Variants in UBE4B observed in about 807,000 individuals in gnomAD.
UBE4B encodes ubiquitin conjugation factor E4 B.
In UBE4B, 27 loss-of-function variants were observed where a neutral mutation model predicts 148.1. The observed-to-expected ratio is 0.18, with a 90% CI of 0.13 to 0.25. The LOEUF (loss-of-function observed/expected upper bound fraction) is 0.25. UBE4B is among the 10% of genes least tolerant of loss of function. The pLI is 1.00. For missense variants in UBE4B, 1,170 were observed against 1,662.4 expected (o/e 0.70, Z 5.15); for synonymous variants, 596 against 619.3 (o/e 0.96, Z 0.56).
intron 21 of UBE4B, among the ~76,000 whole-genome samples, chr1:10,156,696 T>A (rs1646078260): frequency 1.3e-5 from 2 of 152,226 alleles, no homozygotes; most frequent in Non-Finnish European, 2.9e-5. Context: ...ACACTTTAGC[T>A]CATGCTTTTA....
At chr1:10,146,872 T>A in intron 18 of UBE4B, 91 bp from the exon 19 acceptor site, 2 of 1,503,876 alleles carry the variant, frequency 1.3e-6, no homozygotes, top group East Asian at 2.3e-5. Flanking sequence ...AACCCAAATT[T>A]CCCATCTCCT....
At chr1:10,116,617 A>G (rs1570921329) in intron 7 of UBE4B, among the ~76,000 whole-genome samples, 4 of 152,286 alleles carry the variant, frequency 2.6e-5, no homozygotes, top group Middle Eastern at 6.8e-3. Flanking sequence ...GTGGCCTGTC[A>G]ATGGTTGATT....
rs567455544 is a variant in UBE4B at position 10,046,345 on chromosome 1, C to T, written c.24+12651C>T. Among the ~76,000 whole-genome samples, 238 of 152,338 alleles carry T rather than the reference C, an allele frequency of 1.6e-3. 2 individuals are homozygous for T. The highest frequency in any genetic ancestry group is 5.4e-3 in the African/African-American group (223 of 41,580). The stretch of plus-strand genomic sequence containing the variant: ...CCCGAGGGAGACAACCCCGGATCAA[C>T]TTCAGAGTCCAGAATCCCTGGGTGA... On this transcript the variant is annotated intron_variant, in intron 1 of 27. Transcript: ENST00000343090.
In UBE4B at chr1:10,135,140, T is replaced by A; in HGVS notation, c.2178T>A (p.Arg726=). 1 of 1,613,988 alleles carries A rather than the reference T, an allele frequency of 6.2e-7. No homozygotes were observed. The highest frequency in any genetic ancestry group is 8.5e-7 in the Non-Finnish European group (1 of 1,179,970). The change falls in exon 16 of 28, where the codon CGT becomes CGA. Residue 726 remains arginine (R), a synonymous_variant. Transcript: ENST00000343090. ...CRITLPNDET[R]VNATMEDVND... ...TTACTCTTCCCAATGATGAGACGCG[T>A]GTGAATGCAACGATGGAAGATGTGA... is the stretch of plus-strand genomic sequence containing the variant.
intron 1 of UBE4B, among the ~76,000 whole-genome samples, chr1:10,045,431 G>C (rs1643891834): frequency 6.6e-6 from 1 of 152,100 alleles, no homozygotes; most frequent in South Asian, 2.1e-4. Context: ...TGAGAGCCTG[G>C]TGTAACTGAT....
chr1:10,178,101 T>G (rs975250456), intron 25 of UBE4B, among the ~76,000 whole-genome samples: 1 of 152,078 alleles, frequency 6.6e-6, no homozygotes, highest in Non-Finnish European at 1.5e-5. Flanking sequence ...GCCCCTGACA[T>G]GTGCTAGTGC....
intron 2 of UBE4B, among the ~76,000 whole-genome samples, chr1:10,075,864 C>T (rs773311047): frequency 7.9e-5 from 12 of 152,002 alleles, no homozygotes; most frequent in Non-Finnish European, 1.3e-4. Context: ...CCAGCCTGGG[C>T]GACATAGCAA....
intron 17 of UBE4B, among the ~76,000 whole-genome samples, chr1:10,138,550 T>C (rs1029381736): frequency 1.3e-5 from 2 of 152,166 alleles, no homozygotes; most frequent in Admixed American, 1.3e-4. Flanking sequence ...CACTTACTAA[T>C]TCTAATAGTT....
chr1:10,123,981 G>A (rs548972179), intron 10 of UBE4B, among the ~76,000 whole-genome samples: 1 of 151,728 alleles, frequency 6.6e-6, no homozygotes, highest in Admixed American at 6.6e-5. Context: ...CACCATGTTG[G>A]CCAGACTGGT....
intron 7 of UBE4B, among the ~76,000 whole-genome samples, chr1:10,108,146 GGT>G (rs145406095): frequency 5.8e-4 from 86 of 148,284 alleles, no homozygotes; most frequent in Middle Eastern, 3.5e-3. Context: ...ATTTGGGGGA[GGT>G]GTGTGTGTGT....
At chr1:10,158,246 C>G in intron 21 of UBE4B, 110 bp from the exon 22 acceptor site, 2 of 1,371,330 alleles carry the variant, frequency 1.5e-6, no homozygotes, top group Non-Finnish European at 2.0e-6. Flanking sequence ...ATTTCACCAG[C>G]TCTCTGATTT....
intron 2 of UBE4B, among the ~76,000 whole-genome samples, chr1:10,090,857 C>T (rs1644837082): frequency 6.7e-6 from 1 of 149,334 alleles, no homozygotes; most frequent in African/African-American, 2.5e-5. Context: ...CCTAATGTTA[C>T]AAGTTAAAGG....
At chr1:10,077,392 T>A (rs1234872553) in intron 2 of UBE4B, among the ~76,000 whole-genome samples, 1 of 152,204 alleles carries the variant, frequency 6.6e-6, no homozygotes, top group Non-Finnish European at 1.5e-5. Flanking sequence ...TAATTGAGTA[T>A]GAGCTTATTT....
At chr1:10,134,309 G>C (rs147975184) in intron 15 of UBE4B, among the ~76,000 whole-genome samples, 4 of 151,940 alleles carry the variant, frequency 2.6e-5, no homozygotes, top group Non-Finnish European at 5.9e-5. Flanking sequence ...TCAGGAGTTC[G>C]AGACCAGCCT....
intron 16 of UBE4B, among the ~76,000 whole-genome samples, chr1:10,135,847 G>C (rs1254097934): frequency 6.6e-6 from 1 of 151,568 alleles, no homozygotes; most frequent in Non-Finnish European, 1.5e-5. Context: ...TTTTGAAGAA[G>C]TAGGTGATAT....
chr1:10,075,815 G>T (rs984226761), intron 2 of UBE4B, among the ~76,000 whole-genome samples: 9 of 152,312 alleles, frequency 5.9e-5, no homozygotes, highest in Admixed American at 3.9e-4. Flanking sequence ...ACTTTGGGAA[G>T]CCAAGGTGGG....
At chr1:10,130,384 A>G (rs1645573700) in intron 12 of UBE4B, 116 bp from the exon 13 acceptor site, 3 of 953,120 alleles carry the variant, frequency 3.1e-6, no homozygotes, top group East Asian at 4.8e-5. Context: ...CCTGGCTGAA[A>G]CATAAAAGTT....
At chr1:10,075,969 A>G (rs1321610179) in intron 2 of UBE4B, among the ~76,000 whole-genome samples, 4 of 152,150 alleles carry the variant, frequency 2.6e-5, no homozygotes, top group Non-Finnish European at 2.9e-5. Flanking sequence ...GCTTGAGCCC[A>G]GGAGGTGGAG....
intron 11 of UBE4B, 96 bp downstream of exon 11, chr1:10,126,973 C>T (rs1645510874): frequency 1.8e-6 from 2 of 1,105,124 alleles, no homozygotes; most frequent in Admixed American, 4.0e-5. Context: ...TGAGATCAAC[C>T]TTGTTTTCAA....
Sources: allele counts gnomAD v4.1 joint callset (sites outside exome capture counted in the v4.1 genomes callset), GRCh38; gene constraint gnomAD v4.1.1; transcripts MANE v1.5; gene names NCBI Gene and HGNC (gene_info 2026-07-23, HGNC 2026-07-21).